Variants in SNTB1 observed in about 807,000 individuals in gnomAD.
SNTB1 encodes beta-1-syntrophin.
SNTB1 carries 36 observed loss-of-function variants against 48.9 expected under a neutral mutation model. The ratio of observed to expected loss-of-function variants is 0.74; its 90% CI spans 0.56 to 0.97. The LOEUF (loss-of-function observed/expected upper bound fraction) is 0.97, where lower values mean the gene tolerates loss of function less well. Among genes scored for constraint, SNTB1 ranks in the 50% least tolerant of loss-of-function variants. SNTB1 has a pLI of 0.00. For missense variants in SNTB1, 786 were observed against 703.4 expected, an observed-to-expected ratio of 1.12 and a Z score of -1.33; for synonymous variants, 299 against 294.6, an observed-to-expected ratio of 1.01 and a Z score of -0.15.
At chr8:120,628,186 A>T (rs1178975870) in intron 3 of SNTB1, among the ~76,000 whole-genome samples, 1 of 152,210 alleles carries the variant, frequency 6.6e-6, no homozygotes, top group Non-Finnish European at 1.5e-5. Flanking sequence ...CGAGATAACA[A>T]GGGAAAGCAA....
chr8:120,633,604 C>CAAATA (rs1276801712), intron 2 of SNTB1, among the ~76,000 whole-genome samples: 3 of 151,556 alleles, frequency 2.0e-5, no homozygotes, highest in Non-Finnish European at 2.9e-5. Flanking sequence ...GACTCGGTCT[C>CAAATA]AAATAAAATA....
At chr8:120,688,153 A>T (rs768290254) in intron 2 of SNTB1, among the ~76,000 whole-genome samples, 21 of 152,234 alleles carry the variant, frequency 1.4e-4, no homozygotes, top group Non-Finnish European at 2.9e-4. Flanking sequence ...AAATCTTTCC[A>T]TAATTTAACC....
At chr8:120,719,615 G>A (rs544644896) in intron 1 of SNTB1, among the ~76,000 whole-genome samples, 15 of 152,258 alleles carry the variant, frequency 9.9e-5, no homozygotes, top group African/African-American at 3.4e-4. Context: ...AAGCTATGAC[G>A]TTCAGCTGAA....
At chr8:120,612,728 T>C (rs1816645898) in intron 3 of SNTB1, among the ~76,000 whole-genome samples, 1 of 152,180 alleles carries the variant, frequency 6.6e-6, no homozygotes, top group Admixed American at 6.5e-5. Context: ...TAATTTTGTA[T>C]TTTTAGTAGA....
chr8:120,606,606 G>T (rs938298790), intron 3 of SNTB1, among the ~76,000 whole-genome samples: 5 of 152,032 alleles, frequency 3.3e-5, no homozygotes, highest in Non-Finnish European at 5.9e-5. Flanking sequence ...TCCACCCGCA[G>T]GTACAATTGA....
At chr8:120,667,950 C>G (rs1817701063) in intron 2 of SNTB1, among the ~76,000 whole-genome samples, 1 of 152,110 alleles carries the variant, frequency 6.6e-6, no homozygotes, top group Non-Finnish European at 1.5e-5. Context: ...TTATTTCTGG[C>G]CTTGTGTGAG....
intron 1 of SNTB1, among the ~76,000 whole-genome samples, chr8:120,761,086 G>T (rs929293814): frequency 3.3e-5 from 5 of 152,130 alleles, no homozygotes; most frequent in African/African-American, 1.2e-4. Flanking sequence ...TATAATGATG[G>T]AGTCATTAAA....
intron 2 of SNTB1, among the ~76,000 whole-genome samples, chr8:120,682,971 T>C (rs1314581756): frequency 5.6e-5 from 8 of 141,762 alleles, no homozygotes; most frequent in African/African-American, 2.2e-4. Flanking sequence ...AACCTCCGCC[T>C]CCTGGGTTCA....
intron 2 of SNTB1, among the ~76,000 whole-genome samples, chr8:120,646,773 C>T (rs1450909217): frequency 6.6e-6 from 1 of 152,082 alleles, no homozygotes. Context: ...TGGGAGAATT[C>T]GGCTGTGAAT....
chr8:120,751,028 G>T (rs1325164803), intron 1 of SNTB1, among the ~76,000 whole-genome samples: 3 of 152,070 alleles, frequency 2.0e-5, no homozygotes, highest in Admixed American at 2.0e-4. Context: ...ATGGCTAAAG[G>T]ATTCCATCTA....
intron 1 of SNTB1, among the ~76,000 whole-genome samples, chr8:120,738,073 A>T (rs748050229): frequency 2.0e-4 from 30 of 152,274 alleles, no homozygotes; most frequent in Middle Eastern, 6.8e-3. Context: ...TGACTAGGTC[A>T]TAAGGACCTC....
chr8:120,746,521 C>T (rs760216444), intron 1 of SNTB1, among the ~76,000 whole-genome samples: 1 of 152,176 alleles, frequency 6.6e-6, no homozygotes, highest in Non-Finnish European at 1.5e-5. Flanking sequence ...GTGGTTGCAA[C>T]AGAGATCTTA....
At chr8:120,542,186 A>T in intron 5 of SNTB1, 186 bp from the exon 6 acceptor site, 2 of 560,096 alleles carry the variant, frequency 3.6e-6, no homozygotes, top group South Asian at 4.9e-5. Context: ...TAATTTTAAA[A>T]GCCCCATAGA....
intron 3 of SNTB1, among the ~76,000 whole-genome samples, chr8:120,583,736 C>G (rs963986125): frequency 1.3e-5 from 2 of 151,960 alleles, no homozygotes; most frequent in African/African-American, 4.8e-5. Flanking sequence ...TACTTCCAAC[C>G]CATTCTATAG....
At chr8:120,645,655 T>C (rs1442856387) in intron 2 of SNTB1, among the ~76,000 whole-genome samples, 1 of 130,242 alleles carries the variant, frequency 7.7e-6, no homozygotes, top group African/African-American at 2.9e-5. Context: ...GGGCTCTTTT[T>C]TGGTTCCATA....
At chr8:120,756,543 C>T (rs1819320845) in intron 1 of SNTB1, among the ~76,000 whole-genome samples, 1 of 152,054 alleles carries the variant, frequency 6.6e-6, no homozygotes, top group African/African-American at 2.4e-5. Context: ...AAGTAGACTA[C>T]AGCCAAAATT....
intron 3 of SNTB1, among the ~76,000 whole-genome samples, chr8:120,614,143 C>T (rs186483328): frequency 1.8e-4 from 27 of 152,316 alleles, no homozygotes; most frequent in Middle Eastern, 3.4e-3. Context: ...ATATAACATA[C>T]ATTCTTAGGG....
At position 120,765,178 on chromosome 8, in the gene SNTB1, T is replaced by G. The variant is rs534763547; in HGVS notation, c.571+46095A>C. Among the ~76,000 whole-genome samples the G allele has an allele frequency of 1.1e-4, 16 of 152,254 alleles. 1 individual carries two copies. The South Asian group carries it at 3.3e-3, about 32-fold the overall frequency. Reference sequence around the variant, plus strand: ...AGGCGGAGCTTGCAGTGAGCCAAGATCCTGCCACGGCACTCCAGCCTGGGT... The same window carrying G: ...AGGCGGAGCTTGCAGTGAGCCAAGAGCCTGCCACGGCACTCCAGCCTGGGT... On this transcript the variant is annotated intron_variant, in intron 1 of 6. Transcript: ENST00000517992.
In SNTB1 at chr8:120,781,151, G is replaced by T. The variant is rs148555217; in HGVS notation, c.571+30122C>A. ...AATGTCTGCTGAATCAGTGATTCTA[G>T]TAGTAAGTGGTGGGGAGCAAAGAGA... is the stretch of plus-strand genomic sequence containing the variant. On this transcript the variant is annotated intron_variant, in intron 1 of 6. Transcript: ENST00000517992. Among the ~76,000 whole-genome samples, 840 of 152,306 alleles carry T rather than the reference G, an allele frequency of 5.5e-3. 7 individuals carry two copies. Among genetic ancestry groups the T allele is most frequent in the African/African-American group, 0.019 (781 of 41,558 alleles).
Sources: allele counts gnomAD v4.1 joint callset (sites outside exome capture counted in the v4.1 genomes callset), GRCh38; gene constraint gnomAD v4.1.1; transcripts MANE v1.5; gene names NCBI Gene and HGNC (gene_info 2026-07-23, HGNC 2026-07-21).